The following PTCHD4 variants were observed in gnomAD, a reference collection of about 807,000 sequenced individuals.
The protein encoded by PTCHD4 is patched domain-containing protein 4.
Under a neutral mutation model 58.1 loss-of-function variants are expected in PTCHD4, and 33 were observed. The observed-to-expected ratio is 0.57, with a 90% CI of 0.43 to 0.76. The LOEUF is 0.76. PTCHD4 is among the 30% of genes least tolerant of loss of function. The pLI is 0.00. For synonymous variants in PTCHD4, 478 were observed against 409.6 expected (o/e 1.17, Z -2.02); for missense variants, 1,058 against 1,027.1 (o/e 1.03, Z -0.41).
intron 4 of PTCHD4, among the ~76,000 whole-genome samples, chr6:47,965,932 A>G (rs1178645977): frequency 3.3e-5 from 5 of 152,080 alleles, no homozygotes; most frequent in Admixed American, 6.5e-5. Flanking sequence ...CCAAAAACAA[A>G]CAAACAAACA....
At chr6:48,092,016 C>G (rs932629642) in intron 1 of PTCHD4, among the ~76,000 whole-genome samples, 15 of 151,986 alleles carry the variant, frequency 9.9e-5, no homozygotes, top group African/African-American at 3.4e-4. Context: ...TACACACACA[C>G]ACATACACAC....
intron 1 of PTCHD4, among the ~76,000 whole-genome samples, chr6:48,081,968 A>G (rs1765177002): frequency 6.6e-6 from 1 of 152,198 alleles, no homozygotes; most frequent in South Asian, 2.1e-4. Flanking sequence ...ATTTAAAATC[A>G]GGCCTGCCCA....
At chr6:47,915,890 G>A (rs1271439483) in intron 4 of PTCHD4, among the ~76,000 whole-genome samples, 1 of 152,096 alleles carries the variant, frequency 6.6e-6, no homozygotes, top group Non-Finnish European at 1.5e-5. Context: ...GGAATTTCGG[G>A]GGAGTGAGGA....
At chr6:48,102,056 G>A (rs984796064) in intron 1 of PTCHD4, among the ~76,000 whole-genome samples, 4 of 152,140 alleles carry the variant, frequency 2.6e-5, no homozygotes, top group African/African-American at 9.7e-5. Context: ...TCTTAGTCTA[G>A]ACTCAGACCC....
chr6:48,104,500 C>G (rs1342919991), intron 1 of PTCHD4, among the ~76,000 whole-genome samples: 3 of 152,048 alleles, frequency 2.0e-5, no homozygotes, highest in Non-Finnish European at 4.4e-5. Context: ...CAAAAACATG[C>G]CAAATTGTAA....
intron 4 of PTCHD4, chr6:47,899,566 G>C: frequency 1.0e-6 from 1 of 983,158 alleles, no homozygotes; most frequent in Non-Finnish European, 1.2e-6. Context: ...AATAAGGTTT[G>C]CAAATGAAGT....
chr6:48,049,006 G>A (rs1411521285), intron 3 of PTCHD4, among the ~76,000 whole-genome samples: 2 of 151,928 alleles, frequency 1.3e-5, no homozygotes, highest in Non-Finnish European at 2.9e-5. Context: ...TCACTGTGAG[G>A]GATTTAGATG....
intron 4 of PTCHD4, 106 bp from the exon 5 acceptor site, chr6:47,880,042 T>C (rs1763974984): frequency 1.1e-6 from 1 of 880,090 alleles, no homozygotes; most frequent in Non-Finnish European, 1.7e-6. Flanking sequence ...TACTCTAATC[T>C]TCAAAGGGCT....
At chr6:47,916,753 C>T (rs1410331124) in intron 4 of PTCHD4, among the ~76,000 whole-genome samples, 1 of 151,982 alleles carries the variant, frequency 6.6e-6, no homozygotes, top group Non-Finnish European at 1.5e-5. Context: ...GGCTAATGGG[C>T]CACAAAATTG....
chr6:48,008,852 C>T lies in PTCHD4; in HGVS notation c.680G>A (p.Ser227Asn). 2 of 1,614,012 alleles carry T rather than the reference C, an allele frequency of 1.2e-6. No homozygotes were observed. The highest frequency in any genetic ancestry group is 1.7e-6 in the Non-Finnish European group (2 of 1,179,894). Residue 227 changes from serine to asparagine, a missense_variant, in exon 4 of 5, where the codon AGC becomes AAC. By Grantham distance (46) the Ser-to-Asn change is conservative (BLOSUM62 1). Transcript: ENST00000339488. ...CAGGACCTTGCTTCTGGCCAGGATG[C>T]TGGTCTTATGAAAGTCCCTCCAGAG... ...FSLWRDFHKTSILARSKVLVS... is the reference protein window; with the variant it reads ...FSLWRDFHKTNILARSKVLVS...
intron 1 of PTCHD4, among the ~76,000 whole-genome samples, chr6:48,094,378 A>G (rs1048928861): frequency 6.6e-6 from 1 of 152,310 alleles, no homozygotes; most frequent in Non-Finnish European, 1.5e-5. Context: ...ATTTTGGGAT[A>G]ATTTTCTGCT....
chr6:48,033,988 C>G (rs941104077), intron 3 of PTCHD4, among the ~76,000 whole-genome samples: 1 of 152,042 alleles, frequency 6.6e-6, no homozygotes, highest in Admixed American at 6.6e-5. Flanking sequence ...TTCTCATGAG[C>G]AGGGCAGTCC....
At position 48,010,400 on chromosome 6, in the gene PTCHD4, C is replaced by T. The variant is rs138433959; in HGVS notation, c.418-1286G>A. ...GGGAGGTATTATGTACTCTAGCAGA[C>T]ACATGTCTTAATTCTTGTGGACTTG... On this transcript the variant is annotated intron_variant, in intron 3 of 4. Coordinates refer to ENST00000339488, the MANE Select transcript of PTCHD4 (RefSeq NM_001384253.1). 2.0e-5 allele frequency among the ~76,000 whole-genome samples: 3 copies of T among 152,262 alleles called. No individual in the cohort carries two copies. In the East Asian group the frequency reaches 5.8e-4, roughly 29 times the overall value.
intron 3 of PTCHD4, among the ~76,000 whole-genome samples, chr6:48,031,471 T>C (rs1562016705): frequency 6.6e-6 from 1 of 152,128 alleles, no homozygotes; most frequent in Non-Finnish European, 1.5e-5. Context: ...TAAAGAATAA[T>C]TACTTTCTTT....
chr6:48,097,566 ACCTG>A (rs1311365262), intron 1 of PTCHD4, among the ~76,000 whole-genome samples: 2 of 152,226 alleles, frequency 1.3e-5, no homozygotes, highest in African/African-American at 4.8e-5. Context: ...GTGTTATCCA[ACCTG>A]CCTCTATAAA....
chr6:47,918,670 G>A (rs1406220591), intron 4 of PTCHD4, among the ~76,000 whole-genome samples: 1 of 151,814 alleles, frequency 6.6e-6, no homozygotes, highest in Non-Finnish European at 1.5e-5. Context: ...AAAATTCTAA[G>A]TGGAAAAAAA....
intron 3 of PTCHD4, among the ~76,000 whole-genome samples, chr6:48,047,411 C>T (rs1764074132): frequency 6.6e-6 from 1 of 151,840 alleles, no homozygotes; most frequent in Non-Finnish European, 1.5e-5. Context: ...TGCAAAACTA[C>T]ATAGCTGGAC....
chr6:48,039,800 A>C (rs1763778897), intron 3 of PTCHD4, among the ~76,000 whole-genome samples: 1 of 152,112 alleles, frequency 6.6e-6, no homozygotes, highest in Non-Finnish European at 1.5e-5. Flanking sequence ...AACCTTGTTC[A>C]TTGCTTCCAT....
At chr6:48,012,145 T>C (rs548479440) in intron 3 of PTCHD4, among the ~76,000 whole-genome samples, 16 of 152,360 alleles carry the variant, frequency 1.1e-4, no homozygotes, top group Non-Finnish European at 1.5e-4. Flanking sequence ...GCATTGAATC[T>C]ATAAATTACT....
Sources: gnomAD v4.1 joint callset for allele counts (sites outside exome capture counted in the v4.1 genomes callset) on GRCh38, gnomAD v4.1.1 for gene constraint, MANE v1.5 for transcripts, NCBI Gene and HGNC (gene_info 2026-07-23, HGNC 2026-07-21) for gene names.